The following XIRP2 variants were observed in gnomAD, a reference collection of about 807,000 sequenced individuals.
XIRP2 encodes xin actin-binding repeat-containing protein 2.
Under a neutral mutation model 277.0 loss-of-function variants are expected in XIRP2, and 236 were observed. The ratio of observed to expected loss-of-function variants is 0.85; its 90% CI spans 0.77 to 0.95. The LOEUF is 0.95. Among genes scored for constraint, XIRP2 ranks in the 40% least tolerant of loss-of-function variants. The pLI, the probability that XIRP2 is intolerant of heterozygous loss-of-function variation, is 0.00. For synonymous variants in XIRP2, 1,490 were observed against 1,416.5 expected (o/e 1.05, Z -1.17); for missense variants, 4,640 against 4,157.5 (o/e 1.12, Z -3.19).
intron 2 of XIRP2, among the ~76,000 whole-genome samples, chr2:167,080,158 A>G (rs1689690948): frequency 1.3e-5 from 2 of 152,156 alleles, no homozygotes; most frequent in South Asian, 2.1e-4. Flanking sequence ...AATGGCGAAA[A>G]GTGGTATTTA....
Position 166,892,265 on chromosome 2 carries a change from T to C in XIRP2, c.-19+3708T>C, listed in dbSNP as rs182134274. 4.2e-3 allele frequency among the ~76,000 whole-genome samples: 640 copies of C among 152,262 alleles called. 2 individuals carry two copies. The highest frequency in any genetic ancestry group is 0.034 in the Middle Eastern group (10 of 294). On this transcript the variant is annotated intron_variant, in intron 1 of 10. Coordinates refer to ENST00000409195, the MANE Select transcript of XIRP2 (RefSeq NM_152381.6). ...TCTAGTTGGTATTGTACTTGTTGAA[T>C]TATACCTGAAAAAAATATTTAAAGT... is the stretch of plus-strand genomic sequence containing the variant.
rs62197395 is a variant in XIRP2 at position 167,258,057 on chromosome 2, C to G, written c.*240C>G. ...ATGTGTAAAAATATTGCAGAAAACA[C>G]CCTTGTACCTGGAGATCGTAATGAA... is the stretch of plus-strand genomic sequence containing the variant. On this transcript the variant is annotated 3_prime_UTR_variant, in exon 11 of 11. Coordinates refer to ENST00000409195, the MANE Select transcript of XIRP2 (RefSeq NM_152381.6). The G allele has an allele frequency of 6.2e-7, 1 of 1,613,014 alleles. No individual in the cohort carries two copies. Among genetic ancestry groups the G allele is most frequent in the South Asian group, 1.1e-5 (1 of 91,014 alleles).
At chr2:167,005,857 ACAACCTTCTGGATCAGAATCTGAC>A (rs747706879) in intron 2 of XIRP2, among the ~76,000 whole-genome samples, 1 of 151,724 alleles carries the variant, frequency 6.6e-6, no homozygotes, top group African/African-American at 2.4e-5. Flanking sequence ...AAAATTCTTG[ACAACCTTCTGGATCAGAATCTGAC>A]CAACCTTCTG....
chr2:166,933,722 C>G (rs1180291587), intron 2 of XIRP2, among the ~76,000 whole-genome samples: 1 of 151,874 alleles, frequency 6.6e-6, no homozygotes, highest in South Asian at 2.1e-4. Context: ...CCAAGACAAT[C>G]CTGAAGAAGA....
intron 2 of XIRP2, among the ~76,000 whole-genome samples, chr2:167,023,075 T>G (rs1688032607): frequency 1.3e-5 from 2 of 152,276 alleles, no homozygotes; most frequent in South Asian, 4.1e-4. Context: ...CCACCAACAG[T>G]GTAAAAGTAT....
chr2:166,961,853 A>G (rs1183753120), intron 2 of XIRP2, among the ~76,000 whole-genome samples: 1 of 151,756 alleles, frequency 6.6e-6, no homozygotes. Context: ...AAATGTGGTT[A>G]TGGAACACAT....
chr2:167,103,212 C>G (rs1255288133), intron 2 of XIRP2, among the ~76,000 whole-genome samples: 1 of 151,996 alleles, frequency 6.6e-6, no homozygotes, highest in African/African-American at 2.4e-5. Context: ...AATATAGAAA[C>G]TTTTGGATTT....
chr2:167,058,625 C>T lies in XIRP2; in HGVS notation c.409-77284C>T, dbSNP rs1195326293. On this transcript the variant is annotated intron_variant, in intron 2 of 10. Coordinates refer to ENST00000409195, the MANE Select transcript of XIRP2 (RefSeq NM_152381.6). ...TGGTGCCTCTCCATGTTACCTCCCT[C>T]CAGCAGAATAGCCTGGGCCACTTTA... is the stretch of plus-strand genomic sequence containing the variant. Among the ~76,000 whole-genome samples the T allele has an allele frequency of 2.0e-5, 3 of 152,282 alleles. No individual in the cohort carries two copies. In the East Asian group the frequency reaches 5.8e-4, roughly 29 times the overall value.
chr2:167,201,732 T>C (rs1039254671), intron 3 of XIRP2, among the ~76,000 whole-genome samples: 3 of 152,224 alleles, frequency 2.0e-5, no homozygotes, highest in Non-Finnish European at 4.4e-5. Flanking sequence ...GATTTATCCT[T>C]AGATTATGCT....
chr2:167,179,323 GTT>G (rs374760800), intron 3 of XIRP2, among the ~76,000 whole-genome samples: 5 of 120,468 alleles, frequency 4.2e-5, no homozygotes, highest in Non-Finnish European at 1.8e-5. Flanking sequence ...TTTTTTTCTT[GTT>G]TTTTTTTTTT....
chr2:167,117,639 C>T (rs918889939), intron 2 of XIRP2, among the ~76,000 whole-genome samples: 5 of 152,342 alleles, frequency 3.3e-5, no homozygotes, highest in South Asian at 4.1e-4. Context: ...GTCTAATCTA[C>T]ACCCAGCTGA....
Position 167,218,621 on chromosome 2 carries a change from C to A in XIRP2, c.858+321C>A, listed in dbSNP as rs117780417. Among the ~76,000 whole-genome samples, 499 of 152,266 alleles carry A rather than the reference C, an allele frequency of 3.3e-3. 23 individuals carry two copies. In the East Asian group the frequency reaches 0.068, roughly 21 times the overall value. ...TGAACTGTTGAGAGCAATGTTTATACTGAGCCTCTGCTTCTAGGTTATAAT... is the reference window on the plus strand; with the variant it reads ...TGAACTGTTGAGAGCAATGTTTATAATGAGCCTCTGCTTCTAGGTTATAAT... On this transcript the variant is annotated intron_variant, in intron 5 of 10. Transcript: ENST00000409195.
At chr2:167,137,280 A>C (rs1691583866) in intron 3 of XIRP2, among the ~76,000 whole-genome samples, 1 of 152,212 alleles carries the variant, frequency 6.6e-6, no homozygotes, top group East Asian at 1.9e-4. Context: ...TCTCTTTTTC[A>C]CTTTCAATTC....
At chr2:167,105,697 G>A (rs138232207) in intron 2 of XIRP2, among the ~76,000 whole-genome samples, 40 of 151,888 alleles carry the variant, frequency 2.6e-4, no homozygotes, top group Admixed American at 4.6e-4. Context: ...TAGGGGGAGC[G>A]TATGGTAGTT....
chr2:167,171,305 A>T, intron 3 of XIRP2, among the ~76,000 whole-genome samples: 1 of 152,150 alleles, frequency 6.6e-6, no homozygotes, highest in East Asian at 1.9e-4. Context: ...TTCACTTAAA[A>T]TTTTATTTTA....
intron 2 of XIRP2, among the ~76,000 whole-genome samples, chr2:167,113,702 C>G (rs1690821617): frequency 6.6e-6 from 1 of 152,136 alleles, no homozygotes; most frequent in South Asian, 2.1e-4. Context: ...GGTTATTATG[C>G]AGACTTGTTT....
chr2:167,134,853 G>T (rs181195049), intron 2 of XIRP2, among the ~76,000 whole-genome samples: 72 of 152,238 alleles, frequency 4.7e-4, no homozygotes, highest in Admixed American at 1.5e-3. Flanking sequence ...AACCAAGACA[G>T]CTTCTAAGTG....
At chr2:167,123,499 C>T (rs970646089) in intron 2 of XIRP2, among the ~76,000 whole-genome samples, 38 of 141,084 alleles carry the variant, frequency 2.7e-4, no homozygotes, top group African/African-American at 1.1e-3. Flanking sequence ...GAGAAAAAAA[C>T]TTTTTTTTGT....
chr2:167,086,023 G>C (rs1240373778), intron 2 of XIRP2, among the ~76,000 whole-genome samples: 1 of 151,892 alleles, frequency 6.6e-6, no homozygotes, highest in Non-Finnish European at 1.5e-5. Flanking sequence ...AGTTGATGCA[G>C]TTTCTTCCTA....
Sources: allele counts gnomAD v4.1 joint callset (sites outside exome capture counted in the v4.1 genomes callset), GRCh38; gene constraint gnomAD v4.1.1; transcripts MANE v1.5; gene names NCBI Gene and HGNC (gene_info 2026-07-23, HGNC 2026-07-21).